Variants in RPRD1A observed in about 807,000 individuals in gnomAD.
RPRD1A encodes the protein regulation of nuclear pre-mRNA domain-containing protein 1A.
In RPRD1A, 9 loss-of-function variants were observed where a neutral mutation model predicts 37.8. The observed-to-expected ratio is 0.24, with a 90% confidence interval of 0.14 to 0.42. RPRD1A has a LOEUF of 0.42. Among genes scored for constraint, RPRD1A ranks in the 10% least tolerant of loss-of-function variants. The pLI, the probability that RPRD1A is intolerant of heterozygous loss-of-function variation, is 1.00. For missense variants in RPRD1A, 255 were observed against 371.0 expected (o/e 0.69, Z 2.57); for synonymous variants, 138 against 139.7 (o/e 0.99, Z 0.08).
intron 2 of RPRD1A, among the ~76,000 whole-genome samples, chr18:36,032,915 A>G (rs1179659472): frequency 6.6e-6 from 1 of 152,204 alleles, no homozygotes; most frequent in Non-Finnish European, 1.5e-5. Context: ...TTGGAACAAA[A>G]AAAAATCTGG....
At chr18:36,008,592 T>C (rs1909963156) in intron 6 of RPRD1A, among the ~76,000 whole-genome samples, 1 of 135,788 alleles carries the variant, frequency 7.4e-6, no homozygotes, top group African/African-American at 2.8e-5. Flanking sequence ...TATATATATC[T>C]TTAAAAATCT....
chr18:36,015,443 C>T (rs760498170), intron 6 of RPRD1A, among the ~76,000 whole-genome samples: 2 of 152,092 alleles, frequency 1.3e-5, no homozygotes, highest in Non-Finnish European at 2.9e-5. Flanking sequence ...AAACTCCCGA[C>T]ATAAAATAAT....
At chr18:36,051,815 AG>A (rs1425640802) in intron 1 of RPRD1A, among the ~76,000 whole-genome samples, 1 of 152,192 alleles carries the variant, frequency 6.6e-6, no homozygotes, top group East Asian at 1.9e-4. Context: ...AGAAAGAAAA[AG>A]AATGAAGAAA....
At chr18:35,998,084 C>G (rs957588886) in intron 6 of RPRD1A, among the ~76,000 whole-genome samples, 3 of 152,234 alleles carry the variant, frequency 2.0e-5, no homozygotes, top group African/African-American at 7.2e-5. Flanking sequence ...TAGGGCTGGG[C>G]GCAGTGGCTC....
intron 6 of RPRD1A, among the ~76,000 whole-genome samples, chr18:36,023,722 C>G (rs1911164075): frequency 6.6e-6 from 1 of 152,224 alleles, no homozygotes; most frequent in African/African-American, 2.4e-5. Flanking sequence ...CCACCCTAAT[C>G]AGTCAACAGC....
rs1056328188 is a variant in RPRD1A at position 35,989,940 on chromosome 18, A to G, written c.*3211T>C. 1 of 152,252 alleles carries G rather than the reference A, an allele frequency of 6.6e-6. No homozygotes were observed. Among genetic ancestry groups the G allele is most frequent in the African/African-American group, 2.4e-5 (1 of 41,470 alleles). The allele number at this position is 152,252 out of a possible 1,614,324, so 9.4% of individuals were successfully genotyped here. A position where few individuals can be genotyped will look rare whatever the true frequency, so the allele number is the denominator to read the frequency against. On this transcript the variant is annotated 3_prime_UTR_variant, in exon 7 of 7. Coordinates refer to ENST00000399022, the MANE Select transcript of RPRD1A (RefSeq NM_018170.5). ...GTTCATCTTCCCATGTGCTATTGCC[A>G]CCTCAGAACAGACTCCTGTGTGGAT...
At chr18:36,023,480 G>A (rs191519599) in intron 6 of RPRD1A, among the ~76,000 whole-genome samples, 1 of 152,334 alleles carries the variant, frequency 6.6e-6, no homozygotes, top group African/African-American at 2.4e-5. Context: ...GTGGTTTCCT[G>A]AGATGGAATC....
chr18:36,015,210 ATACT>A (rs1910462481), intron 6 of RPRD1A, among the ~76,000 whole-genome samples: 1 of 145,216 alleles, frequency 6.9e-6, no homozygotes, highest in African/African-American at 2.6e-5. Flanking sequence ...ACACATTCAC[ATACT>A]TTTTTTTTTT....
intron 1 of RPRD1A, among the ~76,000 whole-genome samples, chr18:36,036,249 T>A (rs565540736): frequency 6.6e-6 from 1 of 152,182 alleles, no homozygotes; most frequent in South Asian, 2.1e-4. Flanking sequence ...ATTTTTTAAA[T>A]TTTTTGTAGA....
At chr18:36,012,332 ACTT>A (rs1309673981) in intron 6 of RPRD1A, among the ~76,000 whole-genome samples, 9 of 152,320 alleles carry the variant, frequency 5.9e-5, no homozygotes, top group Admixed American at 1.3e-4. Flanking sequence ...AAAATAAATG[ACTT>A]CGTTACCGGT....
Position 36,067,348 on chromosome 18 carries a change from C to T in RPRD1A, c.57G>A (p.Ser19=), listed in dbSNP as rs199804044. ...GGGACAAGGTCTGCACGCTCTGCTG[C>T]GAGTTGCTCAACTCCGACAGCTTCT... is the stretch of plus-strand genomic sequence containing the variant. ...LEKKLSELSN[S]QQSVQTLSLW... is the part of the protein sequence containing the mutation. Residue 19 remains serine (S), a synonymous_variant, in exon 1 of 7, where the codon TCG becomes TCA. Transcript: ENST00000399022. 6.2e-7 allele frequency: 1 copy of T among 1,608,150 alleles called. No homozygotes were observed. Among genetic ancestry groups the T allele is most frequent in the Non-Finnish European group, 8.5e-7 (1 of 1,177,504 alleles).
chr18:36,041,744 A>C (rs1317076069), intron 1 of RPRD1A, among the ~76,000 whole-genome samples: 1 of 152,248 alleles, frequency 6.6e-6, no homozygotes, highest in Non-Finnish European at 1.5e-5. Flanking sequence ...GTTGTCAGCC[A>C]AAAACTGCTT....
At chr18:36,013,622 G>A (rs915095842) in intron 6 of RPRD1A, among the ~76,000 whole-genome samples, 16 of 152,132 alleles carry the variant, frequency 1.1e-4, no homozygotes, top group Admixed American at 9.2e-4. Context: ...TGAACAGGAA[G>A]GAGAGCCACT....
At chr18:36,023,721 T>C (rs1001590152) in intron 6 of RPRD1A, among the ~76,000 whole-genome samples, 2 of 152,206 alleles carry the variant, frequency 1.3e-5, no homozygotes, top group Admixed American at 1.3e-4. Context: ...ACCACCCTAA[T>C]CAGTCAACAG....
chr18:36,060,988 A>G (rs1212704158), intron 1 of RPRD1A, among the ~76,000 whole-genome samples: 1 of 152,054 alleles, frequency 6.6e-6, no homozygotes, highest in Non-Finnish European at 1.5e-5. Context: ...TTTAGGAAAC[A>G]AAGTTAACAG....
At chr18:36,014,513 C>A (rs1433544672) in intron 6 of RPRD1A, among the ~76,000 whole-genome samples, 1 of 152,150 alleles carries the variant, frequency 6.6e-6, no homozygotes, top group Non-Finnish European at 1.5e-5. Flanking sequence ...CCAAGGCAGG[C>A]GGATCACGAG....
chr18:36,061,470 C>T (rs2088909331), intron 1 of RPRD1A, among the ~76,000 whole-genome samples: 1 of 152,168 alleles, frequency 6.6e-6, no homozygotes, highest in Admixed American at 6.5e-5. Flanking sequence ...GAATTTCCTC[C>T]TATCTATCTT....
intron 1 of RPRD1A, among the ~76,000 whole-genome samples, chr18:36,050,357 T>C (rs1913294923): frequency 6.6e-6 from 1 of 151,354 alleles, no homozygotes. Context: ...AACCTCAGAG[T>C]ATGTTGTTCA....
At chr18:36,030,219 T>C (rs928340618) in intron 4 of RPRD1A, among the ~76,000 whole-genome samples, 7 of 151,506 alleles carry the variant, frequency 4.6e-5, no homozygotes, top group African/African-American at 1.5e-4. Flanking sequence ...GCACAGTGGC[T>C]CATGCCTATA....
Sources: gnomAD v4.1 joint callset for allele counts (sites outside exome capture counted in the v4.1 genomes callset) on GRCh38, gnomAD v4.1.1 for gene constraint, MANE v1.5 for transcripts, NCBI Gene and HGNC (gene_info 2026-07-23, HGNC 2026-07-21) for gene names.